Variants in KICS2 observed in about 807,000 individuals in gnomAD.
The protein encoded by KICS2 is KICSTOR complex protein C12orf66.
In KICS2, 13 loss-of-function variants were observed where a neutral mutation model predicts 31.4. The ratio of observed to expected loss-of-function variants is 0.41; its 90% CI spans 0.27 to 0.66. The LOEUF is 0.66. Among genes scored for constraint, KICS2 ranks in the 30% least tolerant of loss-of-function variants. The probability of loss-of-function intolerance (pLI) is 0.28; values close to 1 mark genes in which losing one functional copy is unlikely to be tolerated. For synonymous variants in KICS2, 209 were observed against 214.8 expected (o/e 0.97, Z 0.24); for missense variants, 455 against 545.4 (o/e 0.83, Z 1.65).
intron 2 of KICS2, among the ~76,000 whole-genome samples, chr12:64,214,281 C>T (rs534878280): frequency 6.6e-6 from 1 of 152,292 alleles, no homozygotes; most frequent in East Asian, 1.9e-4. Flanking sequence ...AGCTCACATT[C>T]TAGTTTTTGA....
In KICS2 at chr12:64,222,248, C is replaced by T. The variant is rs770115670; in HGVS notation, c.-11G>A. The T allele has an allele frequency of 5.0e-6, 8 of 1,612,606 alleles. No individual in the cohort carries two copies. Among genetic ancestry groups the T allele is most frequent in the Non-Finnish European group, 6.8e-6 (8 of 1,179,500 alleles). On this transcript the variant is annotated 5_prime_UTR_variant, in exon 1 of 3. Transcript: ENST00000398055. ...GATAGACTCCCCCATGCGAGCTGCG[C>T]CCCAGCTCGACCCACGTGGCTCTCC...
intron 2 of KICS2, among the ~76,000 whole-genome samples, chr12:64,201,619 G>GAAAAAAAAAAAA (rs142477212): frequency 8.5e-6 from 1 of 117,624 alleles, no homozygotes. Flanking sequence ...AAAAAAAAAA[G>GAAAAAAAAAAAA]AAAAAAAAAA....
chr12:64,193,981 G>C lies in KICS2; in HGVS notation c.1199C>G (p.Pro400Arg). The change falls in exon 3 of 3, where the codon CCT (proline) becomes CGT (arginine). Residue 400 changes from proline to arginine, a missense_variant. By Grantham distance (103) the Pro-to-Arg change is moderately radical (BLOSUM62 -2). Transcript: ENST00000398055. ...AAAAATGATGACAATGGTAAAGTGA[G>C]GTTCCGGGCGGGTTAGGAAGTAGGT... is the stretch of plus-strand genomic sequence containing the variant. Reference protein sequence around the residue: ...QSTYFLTRPEPHFTIVIIFES... With the variant: ...QSTYFLTRPERHFTIVIIFES... 6.2e-7 allele frequency: 1 copy of C among 1,614,206 alleles called. No homozygotes were observed. The highest frequency in any genetic ancestry group is 8.5e-7 in the Non-Finnish European group (1 of 1,180,042).
chr12:64,219,836 G>A (rs192448760), intron 1 of KICS2, among the ~76,000 whole-genome samples: 75 of 152,178 alleles, frequency 4.9e-4, no homozygotes, highest in Middle Eastern at 6.8e-3. Flanking sequence ...TTAAACGCAC[G>A]CATAAACTTT....
chr12:64,193,970 T>C lies in KICS2; in HGVS notation c.1210A>G (p.Ile404Val), dbSNP rs761556130. Residue 404 changes from isoleucine (I) to valine (V), a missense_variant, in exon 3 of 3, where the codon ATT becomes GTT. Coordinates refer to ENST00000398055, the MANE Select transcript of KICS2 (RefSeq NM_152440.5). ...TTCTTTGACTCAAAAATGATGACAA[T>C]GGTAAAGTGAGGTTCCGGGCGGGTT... Reference protein sequence around the residue: ...FLTRPEPHFTIVIIFESKKSE... With the variant: ...FLTRPEPHFTVVIIFESKKSE... 46 of 1,613,970 alleles carry C rather than the reference T, an allele frequency of 2.9e-5. No individual in the cohort carries two copies. The highest frequency in any genetic ancestry group is 3.8e-5 in the Non-Finnish European group (45 of 1,180,018).
chr12:64,196,250 T>A (rs1227108605), intron 2 of KICS2, among the ~76,000 whole-genome samples: 2 of 150,756 alleles, frequency 1.3e-5, no homozygotes, highest in African/African-American at 4.9e-5. Context: ...CAGCTGGAGA[T>A]CTGAGAACCG....
At chr12:64,195,916 G>A (rs1331720278) in intron 2 of KICS2, among the ~76,000 whole-genome samples, 1 of 152,168 alleles carries the variant, frequency 6.6e-6, no homozygotes, top group Non-Finnish European at 1.5e-5. Flanking sequence ...GGCGCACCAC[G>A]AGATTATATC....
intron 2 of KICS2, among the ~76,000 whole-genome samples, chr12:64,214,724 A>G (rs541755659): frequency 6.6e-6 from 1 of 151,976 alleles, no homozygotes; most frequent in East Asian, 1.9e-4. Context: ...CTAAAAATAC[A>G]AAAAAAATTA....
intron 1 of KICS2, among the ~76,000 whole-genome samples, chr12:64,221,030 G>C (rs558573320): frequency 4.0e-5 from 6 of 149,912 alleles, no homozygotes; most frequent in African/African-American, 1.5e-4. Flanking sequence ...CCTGTCTCTT[G>C]AGTGTTTACT....
chr12:64,215,760 A>C lies in KICS2; in HGVS notation c.439T>G (p.Tyr147Asp), dbSNP rs545543526. Residue 147 changes from tyrosine (Y) to aspartate (D), a missense_variant, in exon 2 of 3, where the codon TAC (tyrosine) becomes GAC (aspartate). Physicochemically the swap from Tyr to Asp is radical, Grantham distance 160. Transcript: ENST00000398055. ...MEIADFYEKM[Y>D]TLSTQKFINA... ...ATGAACTTCTGTGTGCTGAGGGTGTACATCTTCTCATAGAAGTCTGCTATC... is the reference window on the plus strand; with the variant it reads ...ATGAACTTCTGTGTGCTGAGGGTGTCCATCTTCTCATAGAAGTCTGCTATC... The C allele has an allele frequency of 1.9e-6, 3 of 1,614,108 alleles. No individual in the cohort carries two copies. The highest frequency in any genetic ancestry group is 1.7e-5 in the Admixed American group (1 of 59,992).
At chr12:64,190,087 G>A (rs17774651), downstream of KICS2, among the ~76,000 whole-genome samples, 26,567 of 152,104 alleles carry the variant, frequency 0.17, 2,482 homozygotes, top group Admixed American at 0.21. Context: ...GGTTGGTTAG[G>A]CATTTATCTG....
intron 2 of KICS2, among the ~76,000 whole-genome samples, chr12:64,201,618 A>G (rs7138097): frequency 0.44 from 45,462 of 102,164 alleles, 6,927 homozygotes; most frequent in East Asian, 0.51. Flanking sequence ...AAAAAAAAAA[A>G]GAAAAAAAAA....
chr12:64,215,627 T>A, intron 2 of KICS2, 51 bp downstream of exon 2: 1 of 1,491,364 alleles, frequency 6.7e-7, no homozygotes, highest in Non-Finnish European at 9.1e-7. Flanking sequence ...TGAGCTTGTG[T>A]GGGATTGATA....
intron 2 of KICS2, among the ~76,000 whole-genome samples, chr12:64,204,136 T>TTGCAGGGACATGG (rs370979933): frequency 1.3e-5 from 2 of 152,054 alleles, no homozygotes; most frequent in African/African-American, 2.4e-5. Flanking sequence ...TGTTCTCACT[T>TTGCAGGGACATGG]ATAAGCAGGA....
chr12:64,188,183 A>G (rs1357505233), downstream of KICS2, among the ~76,000 whole-genome samples: 2 of 152,196 alleles, frequency 1.3e-5, no homozygotes, highest in East Asian at 3.8e-4. Flanking sequence ...GCATGGGAAG[A>G]AAGGTGGCTA....
intron 2 of KICS2, among the ~76,000 whole-genome samples, chr12:64,195,014 G>A (rs1449907639): frequency 6.6e-6 from 1 of 151,172 alleles, no homozygotes; most frequent in African/African-American, 2.4e-5. Flanking sequence ...TACAATCATG[G>A]CTCACTGCAG....
At position 64,194,064 on chromosome 12, in the gene KICS2, T is replaced by G; in HGVS notation, c.1116A>C (p.Thr372=). 1 of 1,614,150 alleles carries G rather than the reference T, an allele frequency of 6.2e-7. No homozygotes were observed. The highest frequency in any genetic ancestry group is 8.5e-7 in the Non-Finnish European group (1 of 1,180,036). ...PNVIMIMTDR[T]SDLNSLEKVV... is the part of the protein sequence containing the mutation. ...CTTTCTCCAAGCTGTTCAGATCAGATGTGCGGTCCGTCATGATCATGATGA... is the reference window on the plus strand; with the variant it reads ...CTTTCTCCAAGCTGTTCAGATCAGAGGTGCGGTCCGTCATGATCATGATGA... The change falls in exon 3 of 3, where the codon ACA becomes ACC. Residue 372 remains threonine (T), a synonymous_variant. Coordinates refer to ENST00000398055, the MANE Select transcript of KICS2 (RefSeq NM_152440.5).
chr12:64,193,545 A>C lies in KICS2; in HGVS notation c.*297T>G. 1 of 1,118,432 alleles carries C rather than the reference A, an allele frequency of 8.9e-7. No homozygotes were observed. Among genetic ancestry groups the C allele is most frequent in the Non-Finnish European group, 1.1e-6 (1 of 915,750 alleles). 69.3% of individuals were successfully genotyped at this position (1,118,432 alleles called of 1,614,324 possible). Reference sequence around the variant, plus strand: ...CAGAAAAACATATGGGAAAAAAAAAAGCCCAATAAATATTCAATCTACAAG... The same window carrying C: ...CAGAAAAACATATGGGAAAAAAAAACGCCCAATAAATATTCAATCTACAAG... On this transcript the variant is annotated 3_prime_UTR_variant, in exon 3 of 3. Coordinates refer to ENST00000398055, the MANE Select transcript of KICS2 (RefSeq NM_152440.5).
chr12:64,222,255 T>G lies in KICS2; in HGVS notation c.-18A>C. The stretch of plus-strand genomic sequence containing the variant: ...TCCCCCATGCGAGCTGCGCCCCAGC[T>G]CGACCCACGTGGCTCTCCTCGGCCT... On this transcript the variant is annotated 5_prime_UTR_variant, in exon 1 of 3. Transcript: ENST00000398055. 6.2e-7 allele frequency: 1 copy of G among 1,611,788 alleles called. No homozygotes were observed. Among genetic ancestry groups the G allele is most frequent in the Non-Finnish European group, 8.5e-7 (1 of 1,179,180 alleles).
Sources: allele counts gnomAD v4.1 joint callset (sites outside exome capture counted in the v4.1 genomes callset), GRCh38; gene constraint gnomAD v4.1.1; transcripts MANE v1.5; gene names NCBI Gene and HGNC (gene_info 2026-07-23, HGNC 2026-07-21).